WDR88: variants seen among roughly 807,000 people sequenced by gnomAD.
WDR88 encodes WD repeat domain 88.
WDR88 carries 40 observed loss-of-function variants against 46.8 expected under a neutral mutation model. The ratio of observed to expected loss-of-function variants is 0.86; its 90% CI spans 0.66 to 1.11. The LOEUF is 1.11. Ranked by LOEUF, WDR88 falls within the 50% of genes most tolerant of loss-of-function variation. WDR88 has a pLI of 0.00. For missense variants in WDR88, 562 were observed against 602.4 expected, an observed-to-expected ratio of 0.93 and a Z score of 0.70; for synonymous variants, 235 against 240.7, an observed-to-expected ratio of 0.98 and a Z score of 0.22.
intron 9 of WDR88, among the ~76,000 whole-genome samples, chr19:33,169,505 G>GGGA: frequency 6.6e-6 from 1 of 152,058 alleles, no homozygotes; most frequent in Non-Finnish European, 1.5e-5. Context: ...AACATCATTA[G>GGGA]TCATTAGGGA....
chr19:33,145,667 T>C (rs1298890289), intron 3 of WDR88, among the ~76,000 whole-genome samples: 2 of 152,088 alleles, frequency 1.3e-5, no homozygotes, highest in Non-Finnish European at 2.9e-5. Context: ...CCTGAGTACC[T>C]GGGACTACAG....
At chr19:33,154,963 CA>C (rs1316088090) in intron 6 of WDR88, among the ~76,000 whole-genome samples, 3 of 152,148 alleles carry the variant, frequency 2.0e-5, no homozygotes, top group African/African-American at 7.2e-5. Flanking sequence ...ACCTTTTCTT[CA>C]GGTCAAATGA....
intron 4 of WDR88, among the ~76,000 whole-genome samples, chr19:33,148,115 C>A (rs13345755): frequency 6.6e-6 from 1 of 151,864 alleles, no homozygotes; most frequent in East Asian, 2.0e-4. Context: ...GGCCATGTGC[C>A]CCCAAGAACC....
intron 6 of WDR88, among the ~76,000 whole-genome samples, chr19:33,151,911 G>A (rs976172315): frequency 4.6e-5 from 7 of 151,402 alleles, no homozygotes; most frequent in Admixed American, 2.6e-4. Context: ...GAATTCAGTC[G>A]TTTTGGAGAT....
intron 2 of WDR88, among the ~76,000 whole-genome samples, chr19:33,144,347 G>A (rs1189519826): frequency 6.6e-6 from 1 of 152,072 alleles, no homozygotes; most frequent in Non-Finnish European, 1.5e-5. Flanking sequence ...CTACAGGCGC[G>A]CGCCACCACA....
intron 5 of WDR88, 101 bp downstream of exon 5, chr19:33,149,011 A>G: frequency 6.5e-7 from 1 of 1,539,444 alleles, no homozygotes; most frequent in African/African-American, 1.4e-5. Flanking sequence ...GTGAAACTGT[A>G]ATGGTATGAA....
chr19:33,140,561 G>A (rs749316852), intron 2 of WDR88, among the ~76,000 whole-genome samples: 2 of 152,142 alleles, frequency 1.3e-5, no homozygotes, highest in African/African-American at 2.4e-5. Flanking sequence ...AGGCCGAGGC[G>A]AGCAAATCAC....
intron 9 of WDR88, among the ~76,000 whole-genome samples, chr19:33,171,054 C>T (rs551659455): frequency 3.5e-4 from 54 of 152,204 alleles, no homozygotes; most frequent in African/African-American, 1.2e-3. Flanking sequence ...GGTGCGATCT[C>T]GGCTTATTGC....
At chr19:33,149,325 A>AAAC (rs1555725209) in intron 5 of WDR88, among the ~76,000 whole-genome samples, 5 of 150,030 alleles carry the variant, frequency 3.3e-5, no homozygotes, top group East Asian at 2.0e-4. Context: ...CCATCTCAAA[A>AAAC]AAACAAACAA....
chr19:33,174,052 A>C (rs1436614343), intron 10 of WDR88: 8 of 900,176 alleles, frequency 8.9e-6, no homozygotes, highest in Non-Finnish European at 1.0e-5. Flanking sequence ...GGGTTTCACC[A>C]TGTTGGCCAG....
intron 9 of WDR88, among the ~76,000 whole-genome samples, chr19:33,166,443 A>G (rs760204356): frequency 1.9e-4 from 29 of 150,112 alleles, no homozygotes; most frequent in Non-Finnish European, 4.1e-4. Flanking sequence ...TTAGCCAAGC[A>G]TAGTGATATG....
At chr19:33,157,531 A>ATATATATATG (rs1973762085) in intron 7 of WDR88, among the ~76,000 whole-genome samples, 1 of 133,996 alleles carries the variant, frequency 7.5e-6, no homozygotes. Context: ...ATGTGTATAT[A>ATATATATATG]TATATATATG....
intron 6 of WDR88, among the ~76,000 whole-genome samples, chr19:33,152,238 T>TATATATATAC (rs1973650116): frequency 6.6e-6 from 1 of 151,168 alleles, no homozygotes. Flanking sequence ...TCTCAAAATA[T>TATATATATAC]ATATATATAT....
chr19:33,146,844 G>C (rs369459282), intron 3 of WDR88, among the ~76,000 whole-genome samples: 3 of 152,106 alleles, frequency 2.0e-5, no homozygotes, highest in Non-Finnish European at 4.4e-5. Context: ...AGTGAGAACC[G>C]AATGGTCCCT....
intron 9 of WDR88, among the ~76,000 whole-genome samples, chr19:33,167,460 AT>A (rs1203382630): frequency 1.3e-5 from 2 of 152,182 alleles, no homozygotes; most frequent in East Asian, 3.8e-4. Flanking sequence ...AGCTAACATG[AT>A]TCTCAGTGGT....
intron 1 of WDR88, among the ~76,000 whole-genome samples, chr19:33,133,055 G>C (rs1356390056): frequency 6.6e-6 from 1 of 151,860 alleles, no homozygotes; most frequent in African/African-American, 2.4e-5. Context: ...CACTTGAAAG[G>C]CTGAGGCAAG....
chr19:33,142,131 G>C (rs1166000803), intron 2 of WDR88, among the ~76,000 whole-genome samples: 1 of 152,138 alleles, frequency 6.6e-6, no homozygotes, highest in African/African-American at 2.4e-5. Flanking sequence ...TGACTGTGTA[G>C]GGTTATGGGT....
chr19:33,157,932 A>C (rs1246823606), intron 7 of WDR88, among the ~76,000 whole-genome samples: 4 of 151,668 alleles, frequency 2.6e-5, no homozygotes, highest in African/African-American at 9.7e-5. Flanking sequence ...CTGATTGGCC[A>C]GGTCTGGGTG....
intron 1 of WDR88, among the ~76,000 whole-genome samples, chr19:33,135,643 C>T (rs1468673404): frequency 6.6e-6 from 1 of 152,106 alleles, no homozygotes. Context: ...GTCTTGAACT[C>T]CTGGCCTCAG....
Sources: gnomAD v4.1 joint callset for allele counts (sites outside exome capture counted in the v4.1 genomes callset) on GRCh38, gnomAD v4.1.1 for gene constraint, MANE v1.5 for transcripts, NCBI Gene and HGNC (gene_info 2026-07-23, HGNC 2026-07-21) for gene names.